Variants in PRRX1 observed in about 807,000 individuals in gnomAD.
PRRX1 encodes the protein paired related homeobox 1, also known as paired mesoderm homeobox protein 1.
In PRRX1, 8 loss-of-function variants were observed where a neutral mutation model predicts 24.0. The ratio of observed to expected loss-of-function variants is 0.33; its 90% confidence interval spans 0.20 to 0.60. The LOEUF is 0.60. Ranked by LOEUF, PRRX1 falls within the 20% of genes least tolerant of loss-of-function variation. The pLI is 0.82. For synonymous variants in PRRX1, 160 were observed against 131.7 expected (o/e 1.22, Z -1.47); for missense variants, 281 against 322.4 (o/e 0.87, Z 0.98).
At position 170,738,327 on chromosome 1, in the gene PRRX1, A is replaced by G. The variant is rs549709244; in HGVS notation, c.*2141A>G. The G allele has an allele frequency of 2.0e-4, 45 of 225,128 alleles. No individual in the cohort carries two copies. The South Asian group carries it at 8.1e-3, about 40-fold the overall frequency. The allele number at this position is 225,128 out of a possible 1,614,324, so 13.9% of individuals were successfully genotyped here. A position where few individuals can be genotyped will look rare whatever the true frequency, so the allele number is the denominator to read the frequency against. On this transcript the variant is annotated 3_prime_UTR_variant, in exon 4 of 4. Transcript: ENST00000239461. ...TCAATCTAACAGCCACCAATCTGAA[A>G]TTGTATTTCAAATGTTGATTCTGTA...
At chr1:170,702,927 C>T (rs1654438019) in intron 1 of PRRX1, among the ~76,000 whole-genome samples, 1 of 152,096 alleles carries the variant, frequency 6.6e-6, no homozygotes, top group South Asian at 2.1e-4. Context: ...GATTAATGCT[C>T]CCACTATTCT....
At chr1:170,676,875 C>G (rs1653337437) in intron 1 of PRRX1, among the ~76,000 whole-genome samples, 1 of 152,110 alleles carries the variant, frequency 6.6e-6, no homozygotes, top group Non-Finnish European at 1.5e-5. Context: ...TTAAATTCCT[C>G]TGGTTCATGT....
intron 1 of PRRX1, among the ~76,000 whole-genome samples, chr1:170,708,733 G>T (rs1233968403): frequency 6.6e-6 from 1 of 152,124 alleles, no homozygotes. Flanking sequence ...TACACACTTT[G>T]TTCACCTGCC....
chr1:170,714,721 G>C (rs897794227), intron 1 of PRRX1, among the ~76,000 whole-genome samples: 1 of 152,160 alleles, frequency 6.6e-6, no homozygotes, highest in African/African-American at 2.4e-5. Flanking sequence ...ACCACATGCT[G>C]TCAGGTCCCC....
intron 1 of PRRX1, among the ~76,000 whole-genome samples, chr1:170,691,984 G>A (rs1435742216): frequency 6.6e-6 from 1 of 152,058 alleles, no homozygotes; most frequent in African/African-American, 2.4e-5. Flanking sequence ...GCTTGGTACT[G>A]TGTTAAGTGC....
intron 1 of PRRX1, among the ~76,000 whole-genome samples, chr1:170,691,745 G>A (rs1415682497): frequency 6.7e-6 from 1 of 150,258 alleles, no homozygotes; most frequent in Non-Finnish European, 1.5e-5. Context: ...ACTCTTATGT[G>A]TTGTGACAAA....
intron 1 of PRRX1, among the ~76,000 whole-genome samples, chr1:170,674,457 G>T (rs1234862571): frequency 1.3e-5 from 2 of 152,114 alleles, no homozygotes; most frequent in African/African-American, 4.8e-5. Flanking sequence ...ACACCTCCTT[G>T]CGAAACCTTC....
chr1:170,692,737 T>TCACACA (rs1469643516), intron 1 of PRRX1, among the ~76,000 whole-genome samples: 4 of 142,310 alleles, frequency 2.8e-5, no homozygotes, highest in African/African-American at 1.0e-4. Context: ...TCTCTCTCTC[T>TCACACA]CTCTCACACA....
At chr1:170,668,617 C>A (rs1653034075) in intron 1 of PRRX1, 2 of 152,228 alleles carry the variant, frequency 1.3e-5, no homozygotes, top group South Asian at 2.1e-4. Context: ...AATCTACCAG[C>A]CACACTCTCT....
At chr1:170,698,969 A>G (rs945132921) in intron 1 of PRRX1, among the ~76,000 whole-genome samples, 4 of 152,180 alleles carry the variant, frequency 2.6e-5, no homozygotes, top group Admixed American at 6.5e-5. Flanking sequence ...TCCTGTGTGC[A>G]GTGTTGATGG....
intron 3 of PRRX1, among the ~76,000 whole-genome samples, chr1:170,729,984 T>C (rs1571350423): frequency 6.6e-6 from 1 of 152,218 alleles, no homozygotes; most frequent in Admixed American, 6.5e-5. Context: ...TCCTGAACTT[T>C]TGACTGTTAT....
intron 1 of PRRX1, among the ~76,000 whole-genome samples, chr1:170,664,991 G>A (rs1652867867): frequency 6.6e-6 from 1 of 152,244 alleles, no homozygotes. Context: ...GGCACCGTAA[G>A]GCCGGGCGCG....
In PRRX1 at chr1:170,737,446, C is replaced by T. The variant is rs376968825; in HGVS notation, c.*1260C>T. On this transcript the variant is annotated 3_prime_UTR_variant, in exon 4 of 4. Coordinates refer to ENST00000239461, the MANE Select transcript of PRRX1 (RefSeq NM_022716.4). ...TGTCCTTGAGTTTGGAGCCTGAGCT[C>T]TGGTGAAATGCTGATACATCTGATC... 14 of 199,662 alleles carry T rather than the reference C, an allele frequency of 7.0e-5. No individual in the cohort carries two copies. In the South Asian group the frequency reaches 2.7e-3, roughly 38 times the overall value. The allele number at this position is 199,662 out of a possible 1,614,324, so 12.4% of individuals were successfully genotyped here.
chr1:170,707,129 A>G (rs1654595415), intron 1 of PRRX1, among the ~76,000 whole-genome samples: 1 of 152,044 alleles, frequency 6.6e-6, no homozygotes, highest in South Asian at 2.1e-4. Context: ...GTCCTTAAAA[A>G]AAGGAAAAAG....
chr1:170,689,983 G>A (rs1653882391), intron 1 of PRRX1, among the ~76,000 whole-genome samples: 1 of 151,542 alleles, frequency 6.6e-6, no homozygotes, highest in African/African-American at 2.4e-5. Context: ...AGACTGGATT[G>A]GCATTCCTCA....
chr1:170,730,130 G>A, intron 3 of PRRX1: 4 of 785,144 alleles, frequency 5.1e-6, no homozygotes, highest in Non-Finnish European at 9.3e-6. Flanking sequence ...AAGAAAGCTA[G>A]TGATGAGTGA....
At chr1:170,691,113 T>C (rs1453460396) in intron 1 of PRRX1, among the ~76,000 whole-genome samples, 1 of 152,086 alleles carries the variant, frequency 6.6e-6, no homozygotes, top group Admixed American at 6.6e-5. Flanking sequence ...GCCTTTCAAG[T>C]GAGGGCCATA....
chr1:170,674,115 AT>A (rs1470236126), intron 1 of PRRX1, among the ~76,000 whole-genome samples: 11 of 152,224 alleles, frequency 7.2e-5, no homozygotes, highest in Admixed American at 1.3e-4. Context: ...AAATTGAATT[AT>A]CTTGATTTTA....
intron 1 of PRRX1, among the ~76,000 whole-genome samples, chr1:170,699,819 T>C (rs1407362717): frequency 6.6e-6 from 1 of 151,868 alleles, no homozygotes; most frequent in Admixed American, 6.6e-5. Context: ...CACTGCAACC[T>C]CCCCCTCCTG....
Sources: allele counts gnomAD v4.1 joint callset (sites outside exome capture counted in the v4.1 genomes callset), GRCh38; gene constraint gnomAD v4.1.1; transcripts MANE v1.5; gene names NCBI Gene and HGNC (gene_info 2026-07-23, HGNC 2026-07-21).